The following TFPI variants were observed in gnomAD, a reference collection of about 807,000 sequenced individuals.
The protein encoded by TFPI is anti-convertin.
A neutral mutation model predicts 34.6 loss-of-function variants in TFPI; 15 were observed. The ratio of observed to expected loss-of-function variants is 0.43; its 90% confidence interval spans 0.29 to 0.67. The LOEUF is 0.67. Among genes scored for constraint, TFPI ranks in the 30% least tolerant of loss-of-function variants. TFPI has a pLI of 0.15. For synonymous variants in TFPI, 105 were observed against 120.1 expected (o/e 0.87, Z 0.82); for missense variants, 301 against 364.0 (o/e 0.83, Z 1.41).
chr2:187,542,866 C>CAAAAAA (rs11393601), intron 1 of TFPI, among the ~76,000 whole-genome samples: 2 of 121,754 alleles, frequency 1.6e-5, no homozygotes, highest in Non-Finnish European at 3.3e-5. Flanking sequence ...GACTTAGTCT[C>CAAAAAA]AAAAAAAAAA....
At chr2:187,499,965 A>G (rs980171783) in intron 2 of TFPI, among the ~76,000 whole-genome samples, 1 of 152,078 alleles carries the variant, frequency 6.6e-6, no homozygotes, top group Non-Finnish European at 1.5e-5. Context: ...CAGAAAAATC[A>G]TTTTTCATAA....
Position 187,484,964 on chromosome 2 carries a change from C to A in TFPI, c.382G>T (p.Glu128Ter). The change falls in exon 5 of 8, where the codon GAA becomes TAA. Residue 128 changes from glutamate (E) to a stop codon, truncating the protein, a stop_gained. Transcript: ENST00000233156. LOFTEE classifies it high-confidence loss of function. ...CCTCGACATATTCCAGGATCTTCTT[C>A]CAAAAAGCAGAAATCTGGCTTTTCT... is the stretch of plus-strand genomic sequence containing the variant. ...QQEKPDFCFL[E>*]EDPGICRGYI... 1 of 1,490,712 alleles carries A rather than the reference C, an allele frequency of 6.7e-7. No homozygotes were observed. Among genetic ancestry groups the A allele is most frequent in the Non-Finnish European group, 8.9e-7 (1 of 1,120,634 alleles). 92.3% of individuals were successfully genotyped at this position (1,490,712 alleles called of 1,614,324 possible). A position where few individuals can be genotyped will look rare whatever the true frequency, so the allele number is the denominator to read the frequency against.
Position 187,503,702 on chromosome 2 carries a change from G to A in TFPI, c.67C>T (p.Pro23Ser), listed in dbSNP as rs780515003. Residue 23 changes from proline (P) to serine (S), a missense_variant, in exon 2 of 8, where the codon CCT (proline) becomes TCT (serine). Physicochemically the swap from Pro to Ser is moderately conservative, Grantham distance 74. Transcript: ENST00000233156. The stretch of plus-strand genomic sequence containing the variant: ...TCAGAATCAGCATTAAGAGGGGCAG[G>A]GGCAAGATTAAGCAGCAGGCATACA... ...ASVCLLLNLA[P>S]APLNADSEED... The A allele has an allele frequency of 6.2e-7, 1 of 1,613,062 alleles. No homozygotes were observed. Among genetic ancestry groups the A allele is most frequent in the South Asian group, 1.1e-5 (1 of 91,024 alleles).
chr2:187,543,467 G>A (rs1443716039), intron 1 of TFPI, among the ~76,000 whole-genome samples: 1 of 152,192 alleles, frequency 6.6e-6, no homozygotes, highest in Non-Finnish European at 1.5e-5. Context: ...TGGAGAAAAA[G>A]ATGGTTTGGT....
At chr2:187,543,839 G>A (rs1319177447) in intron 1 of TFPI, among the ~76,000 whole-genome samples, 1 of 152,202 alleles carries the variant, frequency 6.6e-6, no homozygotes, top group East Asian at 1.9e-4. Flanking sequence ...TATATGGGAA[G>A]AACCACAAGG....
At chr2:187,521,545 A>C (rs1268852445) in intron 1 of TFPI, among the ~76,000 whole-genome samples, 2 of 151,976 alleles carry the variant, frequency 1.3e-5, no homozygotes, top group African/African-American at 2.4e-5. Flanking sequence ...ACCATTTTAC[A>C]TCCCCGCCAA....
intron 1 of TFPI, among the ~76,000 whole-genome samples, chr2:187,540,890 C>CAA (rs56921212): frequency 1.2e-4 from 10 of 84,754 alleles, no homozygotes; most frequent in African/African-American, 3.7e-4. Context: ...GACTCCATCT[C>CAA]AAAAAAAAAA....
intron 1 of TFPI, among the ~76,000 whole-genome samples, chr2:187,541,017 A>G (rs1688558466): frequency 6.6e-6 from 1 of 152,142 alleles, no homozygotes; most frequent in Non-Finnish European, 1.5e-5. Flanking sequence ...CTGAAGCACA[A>G]GTGACCACAA....
intron 1 of TFPI, among the ~76,000 whole-genome samples, chr2:187,541,441 C>T (rs950463772): frequency 6.6e-6 from 1 of 152,020 alleles, no homozygotes; most frequent in Non-Finnish European, 1.5e-5. Flanking sequence ...TAAAAAAGAA[C>T]GTAGCCCTAG....
chr2:187,476,178 G>C (rs962402788), intron 6 of TFPI, among the ~76,000 whole-genome samples: 1 of 152,110 alleles, frequency 6.6e-6, no homozygotes, highest in East Asian at 1.9e-4. Flanking sequence ...TATCTGCACT[G>C]GTCACTCAGA....
At chr2:187,501,773 C>G (rs1227928144) in intron 2 of TFPI, among the ~76,000 whole-genome samples, 1 of 152,058 alleles carries the variant, frequency 6.6e-6, no homozygotes, top group African/African-American at 2.4e-5. Flanking sequence ...TTAATTTTCT[C>G]TCTCCTAGCC....
chr2:187,551,262 T>C (rs915811897), intron 1 of TFPI, among the ~76,000 whole-genome samples: 5 of 152,140 alleles, frequency 3.3e-5, no homozygotes, highest in Non-Finnish European at 4.4e-5. Context: ...TACTGCAGCA[T>C]TGGAACTTCT....
chr2:187,521,886 C>T (rs769092853), intron 1 of TFPI, among the ~76,000 whole-genome samples: 4 of 152,000 alleles, frequency 2.6e-5, no homozygotes, highest in Non-Finnish European at 5.9e-5. Flanking sequence ...AATTTCCACA[C>T]ATCCTTGCCA....
At chr2:187,525,795 C>T (rs1687646416) in intron 1 of TFPI, among the ~76,000 whole-genome samples, 1 of 152,012 alleles carries the variant, frequency 6.6e-6, no homozygotes, top group African/African-American at 2.4e-5. Context: ...TTACTGATCA[C>T]CTTGATCTCA....
intron 1 of TFPI, among the ~76,000 whole-genome samples, chr2:187,508,781 C>A (rs565588270): frequency 6.6e-6 from 1 of 152,254 alleles, no homozygotes; most frequent in African/African-American, 2.4e-5. Context: ...TTTGAATAAA[C>A]TTTATTTCTT....
intron 6 of TFPI, among the ~76,000 whole-genome samples, chr2:187,468,200 CTA>C (rs1691824340): frequency 6.6e-6 from 1 of 151,212 alleles, no homozygotes; most frequent in South Asian, 2.1e-4. Flanking sequence ...TATGAACAAA[CTA>C]TTTGTACATA....
At chr2:187,537,266 A>G (rs6434220) in intron 1 of TFPI, among the ~76,000 whole-genome samples, 38,148 of 152,180 alleles carry the variant, frequency 0.25, 4,916 homozygotes, top group Middle Eastern at 0.31. Flanking sequence ...ACCAAAAAAC[A>G]GTCTATATAG....
intron 1 of TFPI, among the ~76,000 whole-genome samples, chr2:187,530,176 A>T (rs1432319250): frequency 6.6e-6 from 1 of 152,158 alleles, no homozygotes; most frequent in Admixed American, 6.5e-5. Context: ...TGCAAATCAC[A>T]TGTAAGAGAG....
chr2:187,504,141 A>G (rs959438503), intron 1 of TFPI, among the ~76,000 whole-genome samples: 1 of 152,140 alleles, frequency 6.6e-6, no homozygotes, highest in African/African-American at 2.4e-5. Flanking sequence ...TCGCACAGCT[A>G]TTCTTTCTCA....
Sources: allele counts gnomAD v4.1 joint callset (sites outside exome capture counted in the v4.1 genomes callset), GRCh38; gene constraint gnomAD v4.1.1; transcripts MANE v1.5; gene names NCBI Gene and HGNC (gene_info 2026-07-23, HGNC 2026-07-21).